KANK1: variants seen among roughly 807,000 people sequenced by gnomAD.
KANK1 encodes the protein KN motif and ankyrin repeat domain-containing protein 1.
A neutral mutation model predicts 106.2 loss-of-function variants in KANK1; 109 were observed. That is an observed-to-expected ratio of 1.03 (90% CI 0.88 to 1.20). The LOEUF is 1.20. KANK1 is among the 50% of genes most tolerant of loss of function. The probability of loss-of-function intolerance (pLI) is 0.00; values close to 1 mark genes in which losing one functional copy is unlikely to be tolerated. For synonymous variants in KANK1, 873 were observed against 652.2 expected (o/e 1.34, Z -5.16); for missense variants, 2,399 against 1,710.7 (o/e 1.40, Z -7.10).
intron 1 of KANK1, among the ~76,000 whole-genome samples, chr9:518,575 A>G (rs2133130302): frequency 6.6e-6 from 1 of 151,810 alleles, no homozygotes; most frequent in Middle Eastern, 3.4e-3. Context: ...TTGTGTTTGG[A>G]AAGAAATATT....
chr9:672,055 C>T (rs1815282880), intron 1 of KANK1, among the ~76,000 whole-genome samples: 2 of 152,176 alleles, frequency 1.3e-5, no homozygotes, highest in Non-Finnish European at 1.5e-5. Context: ...AGGTGTCTAC[C>T]TTACGTATAT....
intron 3 of KANK1, among the ~76,000 whole-genome samples, chr9:476,253 G>A (rs1279118703): frequency 6.6e-6 from 1 of 152,122 alleles, no homozygotes; most frequent in Non-Finnish European, 1.5e-5. Flanking sequence ...GGGCGTGGTG[G>A]CTCACGCCTG....
intron 3 of KANK1, among the ~76,000 whole-genome samples, chr9:486,352 G>A (rs1020722589): frequency 6.6e-6 from 1 of 152,080 alleles, no homozygotes; most frequent in Admixed American, 6.6e-5. Flanking sequence ...AATCATCATC[G>A]TCGTCATGAT....
At chr9:590,208 T>A (rs1824502801) in intron 1 of KANK1, among the ~76,000 whole-genome samples, 1 of 152,118 alleles carries the variant, frequency 6.6e-6, no homozygotes. Context: ...GGTACATGGT[T>A]TTTTAATTAG....
chr9:505,914 T>TG (rs1348473614), intron 1 of KANK1, among the ~76,000 whole-genome samples: 2 of 152,216 alleles, frequency 1.3e-5, no homozygotes, highest in Non-Finnish European at 2.9e-5. Flanking sequence ...TTCAAGTTCA[T>TG]TTTTAGGTGG....
chr9:725,428 G>C (rs906651050), intron 3 of KANK1, among the ~76,000 whole-genome samples: 2 of 150,848 alleles, frequency 1.3e-5, no homozygotes, highest in South Asian at 2.1e-4. Context: ...GGGAGGCGGA[G>C]GTTGCAGTGA....
chr9:657,481 A>T (rs1842403735), intron 1 of KANK1, among the ~76,000 whole-genome samples: 1 of 152,006 alleles, frequency 6.6e-6, no homozygotes, highest in African/African-American at 2.4e-5. Flanking sequence ...ACCATTTTAC[A>T]GTTTCACCAA....
At position 732,551 on chromosome 9, in the gene KANK1, C is replaced by G. The variant is rs1472245012; in HGVS notation, c.3179C>G (p.Ser1060Cys). The G allele has an allele frequency of 1.9e-6, 3 of 1,614,102 alleles. No homozygotes were observed. Among genetic ancestry groups the G allele is most frequent in the South Asian group, 1.1e-5 (1 of 91,076 alleles). Residue 1060 changes from serine (S) to cysteine (C), a missense_variant, in exon 6 of 12, where the codon TCT (serine) becomes TGT (cysteine). Transcript: ENST00000382297. ...GCAGTTAATATTGAAGGTTTGAAGT[C>G]TGCCAGGGTGGAAGATGAAATGCAG... ...HHAVNIEGLK[S>C]ARVEDEMQVQ...
chr9:528,937 C>A (rs950051102), intron 1 of KANK1, among the ~76,000 whole-genome samples: 3 of 151,998 alleles, frequency 2.0e-5, no homozygotes, highest in East Asian at 1.9e-4. Context: ...GTAGCTGGGA[C>A]TACAGGTGCA....
intron 1 of KANK1, among the ~76,000 whole-genome samples, chr9:530,083 A>G (rs1265610522): frequency 6.6e-6 from 1 of 152,184 alleles, no homozygotes; most frequent in Non-Finnish European, 1.5e-5. Flanking sequence ...TGTTTCTGCG[A>G]ACTGTTCATA....
At chr9:514,708 GGTTTCTA>G (rs1437108336) in intron 1 of KANK1, among the ~76,000 whole-genome samples, 1 of 151,658 alleles carries the variant, frequency 6.6e-6, no homozygotes, top group Non-Finnish European at 1.5e-5. Flanking sequence ...ATGAACGTTA[GGTTTCTA>G]GTTTTGGACC....
At chr9:630,869 C>T (rs955699249) in intron 1 of KANK1, among the ~76,000 whole-genome samples, 2 of 152,116 alleles carry the variant, frequency 1.3e-5, no homozygotes, top group Non-Finnish European at 2.9e-5. Context: ...GCACGAGAAT[C>T]ACTTGAACCC....
chr9:546,189 C>G (rs961399985), intron 1 of KANK1, among the ~76,000 whole-genome samples: 1 of 152,172 alleles, frequency 6.6e-6, no homozygotes, highest in African/African-American at 2.4e-5. Flanking sequence ...GCAGAATACA[C>G]CTTCCATGCG....
At chr9:502,202 G>C (rs976665748), upstream of KANK1, among the ~76,000 whole-genome samples, 17 of 149,992 alleles carry the variant, frequency 1.1e-4, no homozygotes, top group Non-Finnish European at 2.4e-4. Context: ...GGAGGAATGG[G>C]GAGTGACTAA....
chr9:551,707 C>G lies in KANK1; in HGVS notation c.-84+46953C>G, dbSNP rs146410582. Reference sequence around the variant, plus strand: ...CTTGCAGTTTAGTAGGGCAGACTGACGACATTAAAAAGATACCATCGGTGT... The same window carrying G: ...CTTGCAGTTTAGTAGGGCAGACTGAGGACATTAAAAAGATACCATCGGTGT... On this transcript the variant is annotated intron_variant, in intron 1 of 11. Coordinates refer to ENST00000382297, the MANE Select transcript of KANK1 (RefSeq NM_015158.5). Among the ~76,000 whole-genome samples, 614 of 151,992 alleles carry G rather than the reference C, an allele frequency of 4.0e-3. 6 individuals are homozygous for G. Among genetic ancestry groups the G allele is most frequent in the African/African-American group, 0.013 (545 of 41,424 alleles).
chr9:547,705 G>T (rs1009069235), intron 1 of KANK1, among the ~76,000 whole-genome samples: 1 of 143,310 alleles, frequency 7.0e-6, no homozygotes, highest in East Asian at 1.9e-4. Flanking sequence ...TGCATGGTGG[G>T]TACCATTATA....
Position 745,389 on chromosome 9 carries a change from C to T in KANK1, c.*154C>T, listed in dbSNP as rs1836928500. 4.5e-6 allele frequency: 4 copies of T among 888,236 alleles called. No individual in the cohort carries two copies. In the East Asian group the frequency reaches 7.9e-5, roughly 18 times the overall value. The allele number at this position is 888,236 out of a possible 1,614,324, so 55.0% of individuals were successfully genotyped here. A position where few individuals can be genotyped will look rare whatever the true frequency, so the allele number is the denominator to read the frequency against. ...GGTAAAGGCTGAAGCTTTCACAGTGCAGAGACTGCTAGCCTGGGCACACAC... is the reference window on the plus strand; with the variant it reads ...GGTAAAGGCTGAAGCTTTCACAGTGTAGAGACTGCTAGCCTGGGCACACAC... On this transcript the variant is annotated 3_prime_UTR_variant, in exon 12 of 12. Coordinates refer to ENST00000382297, the MANE Select transcript of KANK1 (RefSeq NM_015158.5).
chr9:511,160 A>G (rs1377610963), intron 1 of KANK1, among the ~76,000 whole-genome samples: 1 of 152,208 alleles, frequency 6.6e-6, no homozygotes, highest in Non-Finnish European at 1.5e-5. Context: ...TCTGGGTGAT[A>G]TTTAGGGGGA....
At chr9:518,309 T>C (rs916866703) in intron 1 of KANK1, among the ~76,000 whole-genome samples, 2 of 151,786 alleles carry the variant, frequency 1.3e-5, no homozygotes, top group Non-Finnish European at 2.9e-5. Context: ...TTAAAGCGGT[T>C]GTTCACATGT....
Sources: gnomAD v4.1 joint callset for allele counts (sites outside exome capture counted in the v4.1 genomes callset) on GRCh38, gnomAD v4.1.1 for gene constraint, MANE v1.5 for transcripts, NCBI Gene and HGNC (gene_info 2026-07-23, HGNC 2026-07-21) for gene names.